Variants in IRF2 observed in about 807,000 individuals in gnomAD.
IRF2 encodes interferon regulatory factor 2.
IRF2 carries 15 observed loss-of-function variants against 40.6 expected under a neutral mutation model. That is an observed-to-expected ratio of 0.37 (90% CI 0.25 to 0.57). The LOEUF (loss-of-function observed/expected upper bound fraction) is 0.57, where lower values mean the gene tolerates loss of function less well. Among genes scored for constraint, IRF2 ranks in the 20% least tolerant of loss-of-function variants. The pLI, the probability that IRF2 is intolerant of heterozygous loss-of-function variation, is 0.77. For missense variants in IRF2, 317 were observed against 455.7 expected, an observed-to-expected ratio of 0.70 and a Z score of 2.77; for synonymous variants, 151 against 165.5, an observed-to-expected ratio of 0.91 and a Z score of 0.67.
At chr4:184,407,601 T>A (rs1186056663) in intron 6 of IRF2, among the ~76,000 whole-genome samples, 1 of 152,244 alleles carries the variant, frequency 6.6e-6, no homozygotes, top group African/African-American at 2.4e-5. Flanking sequence ...ACTGCAGTTA[T>A]CTGGGGGTGT....
intron 1 of IRF2, among the ~76,000 whole-genome samples, chr4:184,432,956 C>T (rs946388501): frequency 5.3e-5 from 8 of 152,252 alleles, no homozygotes; most frequent in South Asian, 2.1e-4. Context: ...CCATCTGTTA[C>T]GGCAGCCCTG....
chr4:184,393,145 A>G (rs549612701), intron 7 of IRF2, among the ~76,000 whole-genome samples: 6 of 152,208 alleles, frequency 3.9e-5, no homozygotes, highest in Non-Finnish European at 8.8e-5. Flanking sequence ...TGAGGAACAG[A>G]GATGTTGAGA....
At chr4:184,433,881 C>T (rs1209535227) in intron 1 of IRF2, among the ~76,000 whole-genome samples, 2 of 152,186 alleles carry the variant, frequency 1.3e-5, no homozygotes, top group African/African-American at 2.4e-5. Flanking sequence ...CGAGGGTGAG[C>T]GTACATCTTT....
intron 2 of IRF2, among the ~76,000 whole-genome samples, 165 bp from the exon 3 acceptor site, chr4:184,419,733 G>T (rs184970344): frequency 6.6e-6 from 1 of 152,130 alleles, no homozygotes; most frequent in Non-Finnish European, 1.5e-5. Flanking sequence ...CACTTCCCCC[G>T]CTGGATCCCA....
At chr4:184,402,421 G>T (rs549197527) in intron 6 of IRF2, among the ~76,000 whole-genome samples, 7 of 152,166 alleles carry the variant, frequency 4.6e-5, no homozygotes, top group African/African-American at 1.7e-4. Context: ...CCGAAACTAC[G>T]ATGGGCCGCG....
In IRF2 at chr4:184,453,941, T is replaced by C. The variant is rs113981559; in HGVS notation, c.-7+20438A>G. On this transcript the variant is annotated intron_variant, in intron 1 of 8. Coordinates refer to ENST00000393593, the MANE Select transcript of IRF2 (RefSeq NM_002199.4). ...TTGTGAAAAGTCAAATAACAGAAAC[T>C]CAAAGAGCCAGCATACTGGAACTGG... Among the ~76,000 whole-genome samples the C allele has an allele frequency of 8.0e-3, 1,215 of 152,164 alleles. 16 individuals carry two copies. The highest frequency in any genetic ancestry group is 0.027 in the African/African-American group (1,128 of 41,486).
At position 184,413,572 on chromosome 4, in the gene IRF2, A is replaced by G. The variant is rs1240299607; in HGVS notation, c.411+4595T>C. On this transcript the variant is annotated intron_variant, in intron 5 of 8. Coordinates refer to ENST00000393593, the MANE Select transcript of IRF2 (RefSeq NM_002199.4). This position sits in a 1 kb window ranked among gnomAD's most constrained non-coding sequence, Gnocchi z 4.2. ...CCAGCTCAGGTCACTGTTAGAGCCA[A>G]CAGCTCTATGAGAAAGAGCAGCCGA... is the stretch of plus-strand genomic sequence containing the variant. Among the ~76,000 whole-genome samples, 1 of 152,222 alleles carries G rather than the reference A, an allele frequency of 6.6e-6. No homozygotes were observed. The highest frequency in any genetic ancestry group is 1.5e-5 in the Non-Finnish European group (1 of 68,038).
intron 1 of IRF2, among the ~76,000 whole-genome samples, chr4:184,457,397 G>A (rs1308620802): frequency 2.0e-5 from 3 of 152,170 alleles, no homozygotes; most frequent in Non-Finnish European, 4.4e-5. Flanking sequence ...CACTCTGGGC[G>A]GATAGGAAGC....
At chr4:184,439,483 C>CT (rs1290303656) in intron 1 of IRF2, among the ~76,000 whole-genome samples, 1 of 151,894 alleles carries the variant, frequency 6.6e-6, no homozygotes, top group African/African-American at 2.4e-5. Flanking sequence ...ACCCAATGGA[C>CT]TTCCAGATTC....
intron 1 of IRF2, among the ~76,000 whole-genome samples, chr4:184,452,770 C>CAAAAAAAAAAAAAAAAAAAAAAAAA (rs530415114): frequency 3.0e-4 from 16 of 53,824 alleles, no homozygotes; most frequent in African/African-American, 7.9e-4. Context: ...GACCCTGTCT[C>CAAAAAAAAAAAAAAAAAAAAAAAAA]AAAAAAAAAA....
In IRF2 at chr4:184,398,904, C is replaced by T. The variant is rs1304514919; in HGVS notation, c.694+11G>A. On this transcript the variant is annotated intron_variant, in intron 7 of 8. Coordinates refer to ENST00000393593, the MANE Select transcript of IRF2 (RefSeq NM_002199.4). ...TTCCCACGCCTCCCGGAGCCTCCCGCTGACGCTTACCTGCATAGGAAGACA... is the reference window on the plus strand; with the variant it reads ...TTCCCACGCCTCCCGGAGCCTCCCGTTGACGCTTACCTGCATAGGAAGACA... The T allele has an allele frequency of 1.3e-6, 2 of 1,581,506 alleles. No homozygotes were observed. Among genetic ancestry groups the T allele is most frequent in the Non-Finnish European group, 1.7e-6 (2 of 1,165,882 alleles).
intron 2 of IRF2, chr4:184,428,548 C>A: frequency 2.7e-6 from 1 of 366,080 alleles, no homozygotes; most frequent in South Asian, 2.0e-5. Flanking sequence ...CTGTAATCCC[C>A]ACACTTTGGG....
chr4:184,451,651 T>C (rs1738718358), intron 1 of IRF2, among the ~76,000 whole-genome samples: 1 of 152,212 alleles, frequency 6.6e-6, no homozygotes, highest in African/African-American at 2.4e-5. Context: ...TTTCTACATG[T>C]GCCATTGATC....
chr4:184,463,668 T>G (rs933044668), intron 1 of IRF2, among the ~76,000 whole-genome samples: 1 of 152,138 alleles, frequency 6.6e-6, no homozygotes, highest in African/African-American at 2.4e-5. Flanking sequence ...ATTTTTTTTT[T>G]GATGGGCTGT....
intron 5 of IRF2, among the ~76,000 whole-genome samples, chr4:184,414,851 C>T (rs974056540): frequency 3.9e-5 from 6 of 152,198 alleles, no homozygotes; most frequent in Non-Finnish European, 8.8e-5. Context: ...TACCTAGTTA[C>T]CATATGAAAG....
At position 184,388,994 on chromosome 4, in the gene IRF2, A is replaced by G; in HGVS notation, c.814T>C (p.Tyr272His). Residue 272 changes from tyrosine (Y) to histidine (H), a missense_variant, in exon 9 of 9, where the codon TAC (tyrosine) becomes CAC (histidine). Around this residue, in one of 2 missense-constraint regions of IRF2, gnomAD observed 262 missense variants for 334.0 expected, o/e 0.78. Transcript: ENST00000393593. The surrounding 1 kb of genome is among the most constrained non-coding windows in gnomAD (Gnocchi z 4.6). ...YLSNMGTRGS[Y>H]LLPGMASFVT... ...AAGGACGCCATGCCGGGCAGCAGGT[A>G]GGAGCCTCGAGTCCCCATGTTGCTG... The G allele has an allele frequency of 1.2e-6, 2 of 1,614,240 alleles. No individual in the cohort carries two copies. Among genetic ancestry groups the G allele is most frequent in the South Asian group, 2.2e-5 (2 of 91,088 alleles).
chr4:184,457,286 G>T (rs1249302536), intron 1 of IRF2, among the ~76,000 whole-genome samples: 1 of 152,178 alleles, frequency 6.6e-6, no homozygotes, highest in East Asian at 1.9e-4. Context: ...CAGCTCTGGG[G>T]CTCCCTCCAG....
intron 5 of IRF2, among the ~76,000 whole-genome samples, chr4:184,409,733 A>C (rs1182509505): frequency 6.6e-6 from 1 of 152,016 alleles, no homozygotes; most frequent in Non-Finnish European, 1.5e-5. Flanking sequence ...GTCTCTACAA[A>C]AAATGAAAGC....
intron 2 of IRF2, among the ~76,000 whole-genome samples, chr4:184,420,278 C>G (rs1031502480): frequency 1.3e-5 from 2 of 152,200 alleles, no homozygotes; most frequent in African/African-American, 4.8e-5. Flanking sequence ...CTCCAGCTAT[C>G]TTAGGTAAAT....
Sources: allele counts gnomAD v4.1 joint callset (sites outside exome capture counted in the v4.1 genomes callset), GRCh38; gene constraint gnomAD v4.1.1; regional missense constraint gnomAD v4.1.1; non-coding constraint Gnocchi (gnomAD v3.1); transcripts MANE v1.5; gene names NCBI Gene and HGNC (gene_info 2026-07-23, HGNC 2026-07-21).